The following BPIFC variants were observed in gnomAD, a reference collection of about 807,000 sequenced individuals.
The protein encoded by BPIFC is BPI fold-containing family C protein.
BPIFC carries 60 observed loss-of-function variants against 57.6 expected under a neutral mutation model. The ratio of observed to expected loss-of-function variants is 1.04; its 90% CI spans 0.85 to 1.29. BPIFC has a LOEUF of 1.29. Among genes scored for constraint, BPIFC ranks in the 50% most tolerant of loss-of-function variants. The probability of loss-of-function intolerance (pLI) is 0.00; values close to 1 mark genes in which losing one functional copy is unlikely to be tolerated. For synonymous variants in BPIFC, 243 were observed against 224.5 expected, an observed-to-expected ratio of 1.08 and a Z score of -0.74; for missense variants, 581 against 600.5, an observed-to-expected ratio of 0.97 and a Z score of 0.34.
intron 9 of BPIFC, among the ~76,000 whole-genome samples, chr22:32,436,132 A>C (rs1432836172): frequency 2.0e-5 from 3 of 152,076 alleles, no homozygotes; most frequent in African/African-American, 7.2e-5. Context: ...CGTTTCTATA[A>C]AAAATACAAA....
chr22:32,450,035 T>G (rs185418034), intron 4 of BPIFC, among the ~76,000 whole-genome samples: 2 of 151,834 alleles, frequency 1.3e-5, no homozygotes, highest in African/African-American at 4.8e-5. Flanking sequence ...CGCCCAGCCG[T>G]GTACATGTAC....
intron 4 of BPIFC, among the ~76,000 whole-genome samples, chr22:32,449,038 C>T (rs1457211303): frequency 2.0e-5 from 3 of 152,162 alleles, no homozygotes; most frequent in African/African-American, 7.2e-5. Flanking sequence ...TTAACTCTCA[C>T]AGTAATCCTA....
intron 12 of BPIFC, 58 bp downstream of exon 12, chr22:32,432,315 T>C: frequency 6.3e-7 from 1 of 1,577,504 alleles, no homozygotes; most frequent in Non-Finnish European, 8.7e-7. Flanking sequence ...TGGCCAACAG[T>C]CCACAGCAGG....
At chr22:32,456,126 G>T (rs1935031675) in intron 3 of BPIFC, among the ~76,000 whole-genome samples, 1 of 152,206 alleles carries the variant, frequency 6.6e-6, no homozygotes, top group African/African-American at 2.4e-5. Context: ...GCTCCAGAAG[G>T]TGAAGAAAAG....
intron 3 of BPIFC, among the ~76,000 whole-genome samples, chr22:32,455,789 GTTGTTGGTGGA>G (rs764712599): frequency 1.3e-5 from 2 of 152,188 alleles, no homozygotes; most frequent in Non-Finnish European, 2.9e-5. Flanking sequence ...TATTTGTAGG[GTTGTTGGTGGA>G]ATTAGATCAA....
At position 32,434,906 on chromosome 22, in the gene BPIFC, G is replaced by C. The variant is rs560316593; in HGVS notation, c.924+798C>G. On this transcript the variant is annotated intron_variant, in intron 10 of 16. Transcript: ENST00000300399. ...GGGAGGTGCATGACAGAGGATCAAT[G>C]AATATCTGTATTATTACTGATCATT... 9.3e-4 allele frequency among the ~76,000 whole-genome samples: 141 copies of C among 152,298 alleles called. 2 individuals are homozygous for C. Among genetic ancestry groups the C allele is most frequent in the African/African-American group, 3.0e-3 (124 of 41,560 alleles).
In BPIFC at chr22:32,414,253, T is replaced by C; in HGVS notation, c.*50A>G. On this transcript the variant is annotated 3_prime_UTR_variant, in exon 17 of 17. Transcript: ENST00000300399. ...TCTTTCCCTTCTGGGTTTACAGTAG[T>C]TGTAGGATTAAGGACCATTTACTTC... The C allele has an allele frequency of 1.9e-6, 3 of 1,602,082 alleles. No homozygotes were observed. The highest frequency in any genetic ancestry group is 1.1e-5 in the South Asian group (1 of 89,458).
chr22:32,461,099 G>A (rs1935149771), intron 2 of BPIFC, among the ~76,000 whole-genome samples: 1 of 152,198 alleles, frequency 6.6e-6, no homozygotes, highest in Admixed American at 6.5e-5. Context: ...CCAGATCATG[G>A]GGAGGACAGG....
intron 2 of BPIFC, among the ~76,000 whole-genome samples, chr22:32,458,346 C>G (rs1935089267): frequency 6.6e-6 from 1 of 152,188 alleles, no homozygotes; most frequent in Non-Finnish European, 1.5e-5. Context: ...AGAACCCGGT[C>G]TTGCACTTCT....
chr22:32,437,971 G>A (rs2145938546), intron 8 of BPIFC, 120 bp from the exon 9 acceptor site: 1 of 581,430 alleles, frequency 1.7e-6, no homozygotes, highest in African/African-American at 1.9e-5. Context: ...ATCAATTCCT[G>A]CTTTTCAGAA....
chr22:32,459,283 C>T (rs1361426269), intron 2 of BPIFC, among the ~76,000 whole-genome samples: 2 of 152,084 alleles, frequency 1.3e-5, no homozygotes, highest in African/African-American at 4.8e-5. Context: ...AATACCAGCA[C>T]TTTGGGAGGC....
intron 12 of BPIFC, 25 bp from the exon 13 acceptor site, chr22:32,431,439 A>ATTTATTTTTT: frequency 2.2e-6 from 3 of 1,343,056 alleles, no homozygotes; most frequent in South Asian, 1.2e-5. Context: ...AGCATTTATT[A>ATTTATTTTTT]TTAAGACGAG....
chr22:32,441,180 G>A (rs1258160295), intron 8 of BPIFC, among the ~76,000 whole-genome samples: 2 of 151,968 alleles, frequency 1.3e-5, no homozygotes, highest in African/African-American at 2.4e-5. Flanking sequence ...CAGTTTCCTC[G>A]ATCTGGAATC....
intron 15 of BPIFC, among the ~76,000 whole-genome samples, chr22:32,416,363 G>A (rs766151142): frequency 5.3e-5 from 8 of 152,138 alleles, no homozygotes; most frequent in Non-Finnish European, 7.4e-5. Flanking sequence ...GATTACAGGC[G>A]TGAGCCACTG....
intron 2 of BPIFC, among the ~76,000 whole-genome samples, chr22:32,458,660 T>C (rs1259683270): frequency 2.6e-5 from 4 of 152,206 alleles, no homozygotes; most frequent in Admixed American, 6.5e-5. Flanking sequence ...GAAGTCTCTT[T>C]CACAAGCTGT....
At chr22:32,434,132 A>T (rs1049392168) in intron 10 of BPIFC, among the ~76,000 whole-genome samples, 7 of 149,584 alleles carry the variant, frequency 4.7e-5, no homozygotes, top group African/African-American at 1.7e-4. Flanking sequence ...TATATATTAC[A>T]ACCTATCTAT....
chr22:32,433,958 T>A (rs8135445), intron 10 of BPIFC, among the ~76,000 whole-genome samples, 186 bp from the exon 11 acceptor site: 19,377 of 152,056 alleles, frequency 0.13, 1,626 homozygotes, highest in Non-Finnish European at 0.19. Flanking sequence ...AGAAGTAAAG[T>A]GACTTGCCCA....
At chr22:32,461,261 A>G (rs145889588) in intron 2 of BPIFC, among the ~76,000 whole-genome samples, 219 of 152,292 alleles carry the variant, frequency 1.4e-3, no homozygotes, top group African/African-American at 5.1e-3. Context: ...TTTCAGCCCT[A>G]AAGAGCTGGT....
chr22:32,454,007 A>G (rs1396292274), intron 3 of BPIFC, among the ~76,000 whole-genome samples: 1 of 152,142 alleles, frequency 6.6e-6, no homozygotes, highest in East Asian at 1.9e-4. Flanking sequence ...GTGACTCAGG[A>G]TGCTGAGTTG....
Sources: allele counts gnomAD v4.1 joint callset (sites outside exome capture counted in the v4.1 genomes callset), GRCh38; gene constraint gnomAD v4.1.1; transcripts MANE v1.5; gene names NCBI Gene and HGNC (gene_info 2026-07-23, HGNC 2026-07-21).